FAM114A1: variants seen among roughly 807,000 people sequenced by gnomAD.
The protein encoded by FAM114A1 is protein NOXP20.
Under a neutral mutation model 64.3 loss-of-function variants are expected in FAM114A1, and 62 were observed. The ratio of observed to expected loss-of-function variants is 0.96; its 90% confidence interval spans 0.79 to 1.19. FAM114A1 has a LOEUF of 1.19. Among genes scored for constraint, FAM114A1 ranks in the 50% most tolerant of loss-of-function variants. The pLI, the probability that FAM114A1 is intolerant of heterozygous loss-of-function variation, is 0.00. For synonymous variants in FAM114A1, 254 were observed against 251.1 expected (o/e 1.01, Z -0.11); for missense variants, 645 against 676.3 (o/e 0.95, Z 0.51).
chr4:38,936,709 C>T (rs1046784934), intron 13 of FAM114A1, among the ~76,000 whole-genome samples: 9 of 152,238 alleles, frequency 5.9e-5, no homozygotes, highest in Non-Finnish European at 1.2e-4. Flanking sequence ...CACGCCACCA[C>T]GCCCAGCTAA....
rs754497110 is a variant in FAM114A1 at position 38,905,790 on chromosome 4, A to G, written c.586A>G (p.Ser196Gly). Residue 196 changes from serine (S) to glycine (G), a missense_variant, in exon 6 of 15, where the codon AGC becomes GGC. Transcript: ENST00000358869. ...AGCCACAGATCAGGGCCCTGCAGAA[A>G]GCCCACCCACTTCCCCTTCATCAGC... is the stretch of plus-strand genomic sequence containing the variant. ...DAATDQGPAE[S>G]PPTSPSSASR... The G allele has an allele frequency of 9.3e-6, 15 of 1,613,982 alleles. No individual in the cohort carries two copies. The Admixed American group carries it at 1.3e-4, about 14-fold the overall frequency.
At chr4:38,870,545 C>G (rs180696372) in intron 2 of FAM114A1, among the ~76,000 whole-genome samples, 2 of 152,156 alleles carry the variant, frequency 1.3e-5, no homozygotes, top group South Asian at 4.1e-4. Flanking sequence ...AATTTACTCA[C>G]GAAAAACTAA....
intron 2 of FAM114A1, among the ~76,000 whole-genome samples, chr4:38,873,894 G>A (rs1190352107): frequency 2.6e-5 from 4 of 152,148 alleles, no homozygotes; most frequent in Admixed American, 2.0e-4. Context: ...GTGAGCAGGA[G>A]AGCCATGTAA....
chr4:38,878,369 C>T lies in FAM114A1; in HGVS notation c.291C>T (p.Ser97=), dbSNP rs760924868. ...ATACACTTGCTGAATGTATTGATTC[C>T]GTCAGCCTTGAGGCAGAACCCAGAT... is the stretch of plus-strand genomic sequence containing the variant. ...TEDTLAECID[S]VSLEAEPRSE... is the part of the protein sequence containing the mutation. Residue 97 remains serine, a synonymous_variant, in exon 3 of 15, where the codon TCC becomes TCT. Transcript: ENST00000358869. 27 of 1,613,010 alleles carry T rather than the reference C, an allele frequency of 1.7e-5. No individual in the cohort carries two copies. Among genetic ancestry groups the T allele is most frequent in the African/African-American group, 2.7e-5 (2 of 75,024 alleles).
At chr4:38,927,936 C>G (rs1720289634) in intron 9 of FAM114A1, among the ~76,000 whole-genome samples, 1 of 152,166 alleles carries the variant, frequency 6.6e-6, no homozygotes, top group South Asian at 2.1e-4. Flanking sequence ...CCCATCTCGG[C>G]CTCCCAAAGT....
intron 9 of FAM114A1, among the ~76,000 whole-genome samples, chr4:38,926,677 A>G (rs1720128494): frequency 6.6e-6 from 1 of 152,092 alleles, no homozygotes; most frequent in African/African-American, 2.4e-5. Context: ...GCTGGTCTCC[A>G]TCTCCTGACC....
rs73811253 is a variant in FAM114A1, at chr4:38,894,648, G to A, written c.436+2818G>A. On this transcript the variant is annotated intron_variant, in intron 4 of 14. Coordinates refer to ENST00000358869, the MANE Select transcript of FAM114A1 (RefSeq NM_138389.4). ...ATGCTGGATAGTAAATTCAATGGGC[G>A]AGCTGTCAGTCCGTGGATGGAAAAA... Among the ~76,000 whole-genome samples, 975 of 152,284 alleles carry A rather than the reference G, an allele frequency of 6.4e-3. 13 individuals are homozygous for A. The highest frequency in any genetic ancestry group is 0.022 in the African/African-American group (927 of 41,548).
At chr4:38,911,891 T>TC (rs888235258) in intron 7 of FAM114A1, among the ~76,000 whole-genome samples, 5 of 133,934 alleles carry the variant, frequency 3.7e-5, no homozygotes, top group Non-Finnish European at 6.3e-5. Flanking sequence ...GACAGAGCCC[T>TC]CACTCTGTCG....
At chr4:38,904,846 A>G (rs1717829898) in intron 4 of FAM114A1, among the ~76,000 whole-genome samples, 1 of 152,256 alleles carries the variant, frequency 6.6e-6, no homozygotes, top group Non-Finnish European at 1.5e-5. Context: ...CAGGTACACT[A>G]TACAAAGACT....
In FAM114A1 at chr4:38,939,132, A is replaced by G. The variant is rs567562059; in HGVS notation, c.1537-1836A>G. Among the ~76,000 whole-genome samples, 522 of 152,326 alleles carry G rather than the reference A, an allele frequency of 3.4e-3. 3 individuals carry two copies. Among genetic ancestry groups the G allele is most frequent in the African/African-American group, 0.012 (500 of 41,570 alleles). On this transcript the variant is annotated intron_variant, in intron 13 of 14. Coordinates refer to ENST00000358869, the MANE Select transcript of FAM114A1 (RefSeq NM_138389.4). ...CTAATCCATGGCCCATATTTTATGT[A>G]GCAAGGCTGTGGCAGATGGCTGTGC...
intron 7 of FAM114A1, among the ~76,000 whole-genome samples, chr4:38,912,164 C>T (rs574433559): frequency 9.9e-5 from 15 of 151,704 alleles, no homozygotes; most frequent in African/African-American, 2.9e-4. Context: ...CCCAGCCAAG[C>T]GCAGGGAATA....
chr4:38,909,892 G>T (rs915279170), intron 7 of FAM114A1, among the ~76,000 whole-genome samples: 1 of 152,140 alleles, frequency 6.6e-6, no homozygotes, highest in Non-Finnish European at 1.5e-5. Context: ...AGTCCAGGGA[G>T]GGACTTTGCA....
Position 38,920,077 on chromosome 4 carries a change from C to T in FAM114A1, c.946-2693C>T, listed in dbSNP as rs148506249. Among the ~76,000 whole-genome samples the T allele has an allele frequency of 5.9e-3, 897 of 152,002 alleles. 5 individuals carry two copies. Among genetic ancestry groups the T allele is most frequent in the African/African-American group, 0.018 (734 of 41,456 alleles). ...TACAAAAATTAGCAGGGAGTGGTGGCGTGTACCTATAGTCCCAGCTACTCA... is the reference window on the plus strand; with the variant it reads ...TACAAAAATTAGCAGGGAGTGGTGGTGTGTACCTATAGTCCCAGCTACTCA... On this transcript the variant is annotated intron_variant, in intron 8 of 14. Transcript: ENST00000358869.
chr4:38,903,849 G>A (rs1316672806), intron 4 of FAM114A1, among the ~76,000 whole-genome samples: 1 of 152,086 alleles, frequency 6.6e-6, no homozygotes, highest in Non-Finnish European at 1.5e-5. Flanking sequence ...TACATTTCAG[G>A]GTTTTCTAGG....
At chr4:38,930,446 G>A (rs912126872) in intron 10 of FAM114A1, among the ~76,000 whole-genome samples, 1 of 152,142 alleles carries the variant, frequency 6.6e-6, no homozygotes, top group African/African-American at 2.4e-5. Flanking sequence ...AACACAGTGG[G>A]AAGTTGCCTC....
rs1263044935 is a variant in FAM114A1 at position 38,878,201 on chromosome 4, T to G, written c.123T>G (p.His41Gln). The stretch of plus-strand genomic sequence containing the variant: ...ATTGTGATTCAGCTGCAGTTTCACA[T>G]GAGCCAACACCAGCTGACCCCAGAG... ...EVHCDSAAVS[H>Q]EPTPADPRGE... The change falls in exon 3 of 15, where the codon CAT becomes CAG. Residue 41 changes from histidine to glutamine, a missense_variant. Transcript: ENST00000358869. 6.2e-7 allele frequency: 1 copy of G among 1,614,218 alleles called. No homozygotes were observed. Among genetic ancestry groups the G allele is most frequent in the East Asian group, 2.2e-5 (1 of 44,884 alleles).
At chr4:38,909,018 A>G (rs1010654566) in intron 7 of FAM114A1, among the ~76,000 whole-genome samples, 2 of 152,272 alleles carry the variant, frequency 1.3e-5, no homozygotes, top group African/African-American at 4.8e-5. Context: ...GTACATATGT[A>G]TGCATGTGGA....
intron 9 of FAM114A1, among the ~76,000 whole-genome samples, chr4:38,923,794 C>G (rs1276650959): frequency 6.6e-6 from 1 of 152,112 alleles, no homozygotes; most frequent in Non-Finnish European, 1.5e-5. Flanking sequence ...CAGATGATAA[C>G]TTGACCTCAA....
At chr4:38,934,977 T>C (rs1383045275) in intron 12 of FAM114A1, among the ~76,000 whole-genome samples, 1 of 151,990 alleles carries the variant, frequency 6.6e-6, no homozygotes. Flanking sequence ...TGCAATGGCA[T>C]GATCTCGGCT....
Sources: allele counts gnomAD v4.1 joint callset (sites outside exome capture counted in the v4.1 genomes callset), GRCh38; gene constraint gnomAD v4.1.1; transcripts MANE v1.5; gene names NCBI Gene and HGNC (gene_info 2026-07-23, HGNC 2026-07-21).